SPHKAP: variants seen among roughly 807,000 people sequenced by gnomAD.
SPHKAP encodes SPHK1 interactor, AKAP domain containing, also known as A-kinase anchor protein SPHKAP.
In SPHKAP, 67 loss-of-function variants were observed where a neutral mutation model predicts 137.5. The observed-to-expected ratio is 0.49, with a 90% CI of 0.40 to 0.60. The LOEUF (loss-of-function observed/expected upper bound fraction) is 0.60, where lower values mean the gene tolerates loss of function less well. Ranked by LOEUF, SPHKAP falls within the 20% of genes least tolerant of loss-of-function variation. SPHKAP has a pLI of 0.00. For missense variants in SPHKAP, 2,097 were observed against 2,069.3 expected, an observed-to-expected ratio of 1.01 and a Z score of -0.26; for synonymous variants, 813 against 785.3, an observed-to-expected ratio of 1.04 and a Z score of -0.59.
intron 3 of SPHKAP, among the ~76,000 whole-genome samples, chr2:228,072,577 C>G (rs1322325920): frequency 6.6e-6 from 1 of 152,116 alleles, no homozygotes; most frequent in Non-Finnish European, 1.5e-5. Flanking sequence ...CCCCTTTTCT[C>G]TGGGTGGGCT....
chr2:227,994,334 T>G (rs781253900), intron 8 of SPHKAP, among the ~76,000 whole-genome samples: 1 of 152,204 alleles, frequency 6.6e-6, no homozygotes, highest in Non-Finnish European at 1.5e-5. Flanking sequence ...GTTACTAGCC[T>G]GGAACTTACT....
In SPHKAP at chr2:228,025,379, G is replaced by A; in HGVS notation, c.441+15C>T. The stretch of plus-strand genomic sequence containing the variant: ...TAGATGTAAGTAAATGGCTTATCAA[G>A]AACTTATGTCTTACCTGTGAAACTT... On this transcript the variant is annotated intron_variant, in intron 5 of 11. Transcript: ENST00000392056. 1 of 1,613,336 alleles carries A rather than the reference G, an allele frequency of 6.2e-7. No individual in the cohort carries two copies. The highest frequency in any genetic ancestry group is 8.5e-7 in the Non-Finnish European group (1 of 1,179,692).
intron 3 of SPHKAP, among the ~76,000 whole-genome samples, chr2:228,104,676 T>C (rs1222281878): frequency 6.6e-6 from 1 of 152,122 alleles, no homozygotes; most frequent in Non-Finnish European, 1.5e-5. Context: ...ATTTGCTTGT[T>C]TACAAATTTA....
At chr2:228,133,018 CAAAA>C (rs1222745038) in intron 1 of SPHKAP, among the ~76,000 whole-genome samples, 2 of 149,934 alleles carry the variant, frequency 1.3e-5, no homozygotes, top group Non-Finnish European at 3.0e-5. Flanking sequence ...AACAAACAAA[CAAAA>C]AAGGCCGGGC....
chr2:228,142,389 G>A lies in SPHKAP; in HGVS notation c.33-10304C>T, dbSNP rs570851287. Among the ~76,000 whole-genome samples, 17 of 151,994 alleles carry A rather than the reference G, an allele frequency of 1.1e-4. No individual in the cohort carries two copies. The East Asian group carries it at 2.5e-3, about 23-fold the overall frequency. ...CGGGAGGCTAAGGCCGGAGAATGGCGTGAACCTAGGAGGCAGAGCTTGCAG... is the reference window on the plus strand; with the variant it reads ...CGGGAGGCTAAGGCCGGAGAATGGCATGAACCTAGGAGGCAGAGCTTGCAG... On this transcript the variant is annotated intron_variant, in intron 1 of 11. Transcript: ENST00000392056.
intron 1 of SPHKAP, among the ~76,000 whole-genome samples, chr2:228,148,687 G>A (rs1011046997): frequency 2.0e-5 from 3 of 152,128 alleles, no homozygotes; most frequent in African/African-American, 4.8e-5. Context: ...GGTGGGCAAG[G>A]CAGCAGAGAG....
rs1334084304 is a variant in SPHKAP at position 228,018,043 on chromosome 2, G to A, written c.2811C>T (p.Val937=). Residue 937 remains valine (V), a synonymous_variant, in exon 7 of 12, where the codon GTC becomes GTT. Coordinates refer to ENST00000392056, the MANE Select transcript of SPHKAP (RefSeq NM_001142644.2). ...TDFAEELADT[V]VSMATEIAAI... ...CTGCAATTTCAGTTGCCATGGAGAC[G>A]ACCGTGTCTGCTAATTCTTCCGCAA... 3.1e-6 allele frequency: 5 copies of A among 1,613,952 alleles called. No individual in the cohort carries two copies. The highest frequency in any genetic ancestry group is 2.7e-5 in the African/African-American group (2 of 74,920).
rs147938277 is a variant in SPHKAP, at chr2:227,988,446, C to T, written c.4959+2554G>A. ...AAAAACAAGCATTCTCTTTGAGAAT[C>T]GAAAATCAGGTCGGGATAAACAAAT... On this transcript the variant is annotated intron_variant, in intron 11 of 11. Coordinates refer to ENST00000392056, the MANE Select transcript of SPHKAP (RefSeq NM_001142644.2). Among the ~76,000 whole-genome samples, 8 of 152,244 alleles carry T rather than the reference C, an allele frequency of 5.3e-5. No homozygotes were observed. In the South Asian group the frequency reaches 8.3e-4, roughly 16 times the overall value.
intron 3 of SPHKAP, among the ~76,000 whole-genome samples, chr2:228,066,679 A>C (rs181083649): frequency 6.6e-6 from 1 of 152,166 alleles, no homozygotes; most frequent in Non-Finnish European, 1.5e-5. Context: ...CATGTTGCTC[A>C]ACAGTGACAA....
intron 3 of SPHKAP, among the ~76,000 whole-genome samples, chr2:228,035,430 C>G (rs1451315136): frequency 6.6e-6 from 1 of 152,054 alleles, no homozygotes; most frequent in Non-Finnish European, 1.5e-5. Context: ...TAGGAAGAAT[C>G]AATATTGTGA....
intron 7 of SPHKAP, among the ~76,000 whole-genome samples, chr2:228,010,008 C>A (rs1294406057): frequency 6.6e-6 from 1 of 152,114 alleles, no homozygotes; most frequent in Non-Finnish European, 1.5e-5. Flanking sequence ...TGTGCAGATT[C>A]CTCTTCTTTC....
chr2:228,078,508 T>C (rs1015227390), intron 3 of SPHKAP, among the ~76,000 whole-genome samples: 2 of 151,424 alleles, frequency 1.3e-5, no homozygotes, highest in African/African-American at 4.9e-5. Context: ...AATAAGTAAA[T>C]TAGTGGTGTG....
At chr2:228,053,778 G>A (rs977190822) in intron 3 of SPHKAP, among the ~76,000 whole-genome samples, 2 of 152,120 alleles carry the variant, frequency 1.3e-5, no homozygotes, top group South Asian at 4.1e-4. Flanking sequence ...GTCTTGTAAT[G>A]TATTTAGCAT....
At chr2:228,052,882 G>A (rs1309133928) in intron 3 of SPHKAP, among the ~76,000 whole-genome samples, 2 of 152,052 alleles carry the variant, frequency 1.3e-5, no homozygotes, top group Non-Finnish European at 2.9e-5. Context: ...TTAACTAATG[G>A]ATTTCTCTCT....
At chr2:228,135,759 T>C (rs1699420944) in intron 1 of SPHKAP, among the ~76,000 whole-genome samples, 1 of 152,170 alleles carries the variant, frequency 6.6e-6, no homozygotes, top group South Asian at 2.1e-4. Flanking sequence ...GTTGTGAGTA[T>C]TAAACGAGGA....
chr2:228,131,353 G>T, intron 2 of SPHKAP: 2 of 970,056 alleles, frequency 2.1e-6, no homozygotes, highest in Non-Finnish European at 2.5e-6. Context: ...AGCATTAGAT[G>T]GGGAACCAGG....
rs1698424778 is a variant in SPHKAP, at chr2:228,108,897, A to G, written c.181T>C (p.Leu61=). The change falls in exon 3 of 12, where the codon TTG becomes CTG. Residue 61 remains leucine, a synonymous_variant. Coordinates refer to ENST00000392056, the MANE Select transcript of SPHKAP (RefSeq NM_001142644.2). ...NSLLESTDYW[L]QNQRMPCQIG... ...TGGCAGGGCATCCTCTGATTCTGCA[A>G]CCAGTAGTCTGTTGACTCCAGCAGG... The G allele has an allele frequency of 1.3e-5, 21 of 1,610,160 alleles. No homozygotes were observed. Among genetic ancestry groups the G allele is most frequent in the Non-Finnish European group, 1.7e-5 (20 of 1,179,232 alleles).
chr2:228,035,724 G>A (rs1194840298), intron 3 of SPHKAP, among the ~76,000 whole-genome samples: 1 of 152,030 alleles, frequency 6.6e-6, no homozygotes, highest in Non-Finnish European at 1.5e-5. Flanking sequence ...CAGAAATAAT[G>A]CCACATATCT....
chr2:228,177,778 C>T (rs962830605), intron 1 of SPHKAP, among the ~76,000 whole-genome samples: 3 of 152,008 alleles, frequency 2.0e-5, no homozygotes, highest in African/African-American at 7.2e-5. Context: ...TTGGTTAAAA[C>T]AAAATGACAG....
Sources: gnomAD v4.1 joint callset for allele counts (sites outside exome capture counted in the v4.1 genomes callset) on GRCh38, gnomAD v4.1.1 for gene constraint, MANE v1.5 for transcripts, NCBI Gene and HGNC (gene_info 2026-07-23, HGNC 2026-07-21) for gene names.